Variants in TESC observed in about 807,000 individuals in gnomAD.
TESC encodes calcineurin B homologous protein 3.
TESC carries 19 observed loss-of-function variants against 31.0 expected under a neutral mutation model. That is an observed-to-expected ratio of 0.61 (90% CI 0.43 to 0.90). The LOEUF is 0.90. TESC is among the 40% of genes least tolerant of loss of function. The probability of loss-of-function intolerance (pLI) is 0.00; values close to 1 mark genes in which losing one functional copy is unlikely to be tolerated. For synonymous variants in TESC, 109 were observed against 114.8 expected, an observed-to-expected ratio of 0.95 and a Z score of 0.32; for missense variants, 248 against 303.8, an observed-to-expected ratio of 0.82 and a Z score of 1.36.
intron 3 of TESC, among the ~76,000 whole-genome samples, chr12:117,053,383 A>C (rs1381089418): frequency 1.3e-5 from 2 of 152,182 alleles, no homozygotes; most frequent in Non-Finnish European, 2.9e-5. Flanking sequence ...CATGGAAAAC[A>C]GCCTGGCAGG....
chr12:117,049,906 A>G (rs1183734369), intron 3 of TESC, among the ~76,000 whole-genome samples: 1 of 134,816 alleles, frequency 7.4e-6, no homozygotes, highest in Non-Finnish European at 1.5e-5. Flanking sequence ...GTCTCAAGAA[A>G]AAAAAAAAAA....
intron 2 of TESC, among the ~76,000 whole-genome samples, chr12:117,058,264 A>ATT (rs1343456428): frequency 6.6e-6 from 1 of 152,150 alleles, no homozygotes; most frequent in Non-Finnish European, 1.5e-5. Flanking sequence ...AAAAAAACCC[A>ATT]TTATGCTAAG....
Position 117,081,133 on chromosome 12 carries a change from A to T in TESC, c.59-5793T>A, listed in dbSNP as rs535176552. Among the ~76,000 whole-genome samples, 8 of 152,238 alleles carry T rather than the reference A, an allele frequency of 5.3e-5. No homozygotes were observed. In the East Asian group the frequency reaches 1.5e-3, roughly 29 times the overall value. On this transcript the variant is annotated intron_variant, in intron 1 of 7. Transcript: ENST00000335209. The stretch of plus-strand genomic sequence containing the variant: ...GGTGAACTGTCACTTTGTATCATAA[A>T]CTTCAACGTGAAGGAACACACCTGG...
At position 117,039,088 on chromosome 12, in the gene TESC, C is replaced by G. The variant is rs562758941; in HGVS notation, c.*45G>C. On this transcript the variant is annotated 3_prime_UTR_variant, in exon 8 of 8. Coordinates refer to ENST00000335209, the MANE Select transcript of TESC (RefSeq NM_017899.4). ...GGGCTGCTCCAGCTACGCGGGGAGG[C>G]GGCCCCATTGCAAAGTGCAGTTTCT... The G allele has an allele frequency of 1.2e-6, 2 of 1,601,194 alleles. No individual in the cohort carries two copies. Among genetic ancestry groups the G allele is most frequent in the African/African-American group, 1.3e-5 (1 of 74,816 alleles).
chr12:117,052,918 C>T (rs1484069591), intron 3 of TESC, among the ~76,000 whole-genome samples: 1 of 149,716 alleles, frequency 6.7e-6, no homozygotes, highest in South Asian at 2.1e-4. Flanking sequence ...TGTTGTTCCC[C>T]TGCTCAGCAC....
intron 1 of TESC, among the ~76,000 whole-genome samples, chr12:117,093,527 G>A (rs1451134426): frequency 6.6e-6 from 1 of 152,196 alleles, no homozygotes; most frequent in African/African-American, 2.4e-5. Flanking sequence ...CCAAAGTGCT[G>A]GGATTACAAG....
In TESC at chr12:117,047,217, T is replaced by A. The variant is rs114717226; in HGVS notation, c.350-379A>T. Among the ~76,000 whole-genome samples the A allele has an allele frequency of 2.5e-3, 373 of 152,222 alleles. 3 individuals are homozygous for A. The highest frequency in any genetic ancestry group is 8.4e-3 in the African/African-American group (351 of 41,542). ...AACGGTGTCGAGTTCAAAATATTGT[T>A]CCCACAGCCCTGGAGGGCACCATCA... On this transcript the variant is annotated intron_variant, in intron 4 of 7. Transcript: ENST00000335209.
intron 1 of TESC, among the ~76,000 whole-genome samples, chr12:117,090,239 G>A (rs1955288240): frequency 6.6e-6 from 1 of 152,186 alleles, no homozygotes; most frequent in African/African-American, 2.4e-5. Flanking sequence ...TGTCTGCATA[G>A]AATAATAATG....
At chr12:117,075,981 A>ATGTATGTG (rs1955069675) in intron 1 of TESC, among the ~76,000 whole-genome samples, 1 of 120,912 alleles carries the variant, frequency 8.3e-6, no homozygotes, top group African/African-American at 3.4e-5. Context: ...GTATATATAT[A>ATGTATGTG]TATATTTTTT....
intron 1 of TESC, among the ~76,000 whole-genome samples, chr12:117,097,872 C>T (rs978043539): frequency 4.6e-5 from 7 of 151,978 alleles, no homozygotes; most frequent in African/African-American, 1.7e-4. Context: ...TTTTACTTTG[C>T]GGCTCCAGCT....
intron 1 of TESC, among the ~76,000 whole-genome samples, chr12:117,088,433 C>G (rs910070773): frequency 6.6e-6 from 1 of 152,158 alleles, no homozygotes; most frequent in South Asian, 2.1e-4. Flanking sequence ...GTAATCCCAG[C>G]GCTTTGGGAG....
At chr12:117,092,150 C>T (rs1341086664) in intron 1 of TESC, among the ~76,000 whole-genome samples, 1 of 152,162 alleles carries the variant, frequency 6.6e-6, no homozygotes, top group African/African-American at 2.4e-5. Context: ...GACAAGTGCT[C>T]AAGAAAGAGC....
rs996739746 is a variant in TESC at position 117,055,429 on chromosome 12, C to T, written c.209+1377G>A. Among the ~76,000 whole-genome samples, 30 of 152,238 alleles carry T rather than the reference C, an allele frequency of 2.0e-4. 1 individual carries two copies. Among genetic ancestry groups the T allele is most frequent in the East Asian group, 9.7e-4 (5 of 5,178 alleles). On this transcript the variant is annotated intron_variant, in intron 3 of 7. Transcript: ENST00000335209. Reference sequence around the variant, plus strand: ...AAGTGCTGGGATTACAGTTGTGAGCCGCCGCACCTGACCGATTATCTCCAT... The same window carrying T: ...AAGTGCTGGGATTACAGTTGTGAGCTGCCGCACCTGACCGATTATCTCCAT...
At chr12:117,039,294 A>C in intron 7 of TESC, 84 bp from the exon 8 acceptor site, 4 of 1,328,118 alleles carry the variant, frequency 3.0e-6, no homozygotes, top group East Asian at 5.1e-5. Flanking sequence ...GGCCCTTCCC[A>C]CCTACCGTCT....
chr12:117,062,500 G>A (rs1015308612), intron 2 of TESC, among the ~76,000 whole-genome samples: 5 of 152,196 alleles, frequency 3.3e-5, no homozygotes, highest in African/African-American at 9.7e-5. Context: ...GGGATTACAG[G>A]TGTGAGCCAC....
intron 1 of TESC, among the ~76,000 whole-genome samples, chr12:117,075,867 A>ATGTGTG (rs1565971372): frequency 3.3e-5 from 1 of 30,106 alleles, no homozygotes; most frequent in Non-Finnish European, 6.2e-5. Context: ...ATATATATAT[A>ATGTGTG]TATGTGTGTA....
At chr12:117,045,242 C>G (rs1194744175) in intron 6 of TESC, among the ~76,000 whole-genome samples, 1 of 152,222 alleles carries the variant, frequency 6.6e-6, no homozygotes, top group African/African-American at 2.4e-5. Context: ...CATGGGGGCC[C>G]GTAGGCAGCG....
chr12:117,095,240 A>G (rs1004897760), intron 1 of TESC, among the ~76,000 whole-genome samples: 4 of 109,562 alleles, frequency 3.7e-5, no homozygotes, highest in Non-Finnish European at 6.7e-5. Flanking sequence ...GCGCACAGCT[A>G]ATTTTTGTAG....
chr12:117,056,685 C>T (rs2135760387), intron 3 of TESC, 121 bp downstream of exon 3: 7 of 1,070,074 alleles, frequency 6.5e-6, no homozygotes, highest in South Asian at 1.3e-5. Context: ...ATAACCCCTA[C>T]CCAGCTTGGC....
Sources: allele counts gnomAD v4.1 joint callset (sites outside exome capture counted in the v4.1 genomes callset), GRCh38; gene constraint gnomAD v4.1.1; transcripts MANE v1.5; gene names NCBI Gene and HGNC (gene_info 2026-07-23, HGNC 2026-07-21).